Variants in ZMAT4 observed in about 807,000 individuals in gnomAD.
ZMAT4 encodes the protein zinc finger matrin-type 4.
In ZMAT4, 17 loss-of-function variants were observed where a neutral mutation model predicts 28.7. The ratio of observed to expected loss-of-function variants is 0.59; its 90% CI spans 0.41 to 0.89. ZMAT4 has a LOEUF of 0.89. Among genes scored for constraint, ZMAT4 ranks in the 40% least tolerant of loss-of-function variants. The pLI, the probability that ZMAT4 is intolerant of heterozygous loss-of-function variation, is 0.00. For missense variants in ZMAT4, 240 were observed against 283.8 expected, an observed-to-expected ratio of 0.85 and a Z score of 1.11; for synonymous variants, 117 against 109.2, an observed-to-expected ratio of 1.07 and a Z score of -0.44.
intron 5 of ZMAT4, among the ~76,000 whole-genome samples, chr8:40,638,019 C>G (rs1806860709): frequency 1.3e-5 from 2 of 152,052 alleles, no homozygotes; most frequent in South Asian, 2.1e-4. Flanking sequence ...GAATTCATAG[C>G]AAAAGAGAGT....
intron 2 of ZMAT4, among the ~76,000 whole-genome samples, chr8:40,795,272 T>C (rs1201130293): frequency 6.6e-6 from 1 of 152,002 alleles, no homozygotes; most frequent in Non-Finnish European, 1.5e-5. Flanking sequence ...GTTTGCACAC[T>C]CACGTGAAAC....
chr8:40,856,121 T>G (rs1586174717), intron 1 of ZMAT4, among the ~76,000 whole-genome samples: 2 of 152,250 alleles, frequency 1.3e-5, no homozygotes, highest in Middle Eastern at 6.8e-3. Context: ...GCAGAGGGGA[T>G]GTACAATGAA....
At chr8:40,585,416 C>G (rs190647462) in intron 5 of ZMAT4, among the ~76,000 whole-genome samples, 4 of 152,102 alleles carry the variant, frequency 2.6e-5, no homozygotes, top group African/African-American at 9.7e-5. Flanking sequence ...CCAGGCAAAA[C>G]TTCGGGAGAT....
intron 1 of ZMAT4, among the ~76,000 whole-genome samples, chr8:40,861,873 C>T (rs1178265182): frequency 6.6e-6 from 1 of 152,090 alleles, no homozygotes; most frequent in Non-Finnish European, 1.5e-5. Context: ...CAATGAGATA[C>T]CATCTCACAC....
At chr8:40,547,767 G>A (rs113411565) in intron 6 of ZMAT4, among the ~76,000 whole-genome samples, 11 of 152,176 alleles carry the variant, frequency 7.2e-5, no homozygotes, top group South Asian at 2.1e-4. Context: ...TTAATGTGCC[G>A]AAAATACAGC....
intron 5 of ZMAT4, among the ~76,000 whole-genome samples, chr8:40,656,120 C>T (rs533467025): frequency 6.6e-6 from 1 of 152,078 alleles, no homozygotes; most frequent in Non-Finnish European, 1.5e-5. Flanking sequence ...GCAAATAACT[C>T]AATTGAAGAC....
At chr8:40,791,617 A>G (rs984604038) in intron 2 of ZMAT4, among the ~76,000 whole-genome samples, 1 of 152,150 alleles carries the variant, frequency 6.6e-6, no homozygotes, top group African/African-American at 2.4e-5. Context: ...TCTGCAATAT[A>G]AGCTTGTTGA....
chr8:40,561,436 C>T (rs1039644781), intron 6 of ZMAT4, among the ~76,000 whole-genome samples: 3 of 152,120 alleles, frequency 2.0e-5, no homozygotes, highest in Non-Finnish European at 2.9e-5. Flanking sequence ...TCAGGGCTCA[C>T]AGCTTCCACA....
Position 40,687,151 on chromosome 8 carries a change from A to C in ZMAT4, c.349+10094T>G, listed in dbSNP as rs889929996. Among the ~76,000 whole-genome samples the C allele has an allele frequency of 2.0e-5, 3 of 152,244 alleles. No individual in the cohort carries two copies. The South Asian group carries it at 6.2e-4, about 31-fold the overall frequency. Reference sequence around the variant, plus strand: ...GAGGCAGAGAGATGATATGAGGAAGAAAAGTATATGATGCAGGATAAAGGA... The same window carrying C: ...GAGGCAGAGAGATGATATGAGGAAGCAAAGTATATGATGCAGGATAAAGGA... On this transcript the variant is annotated intron_variant, in intron 4 of 6. Coordinates refer to ENST00000297737, the MANE Select transcript of ZMAT4 (RefSeq NM_024645.3).
intron 5 of ZMAT4, among the ~76,000 whole-genome samples, chr8:40,589,962 TC>T (rs1804825292): frequency 7.6e-5 from 1 of 13,222 alleles, no homozygotes; most frequent in Non-Finnish European, 1.9e-4. Flanking sequence ...CTTCCCTCCT[TC>T]CCTCCCTCCC....
At chr8:40,776,961 G>A (rs376632923) in intron 2 of ZMAT4, among the ~76,000 whole-genome samples, 17 of 149,710 alleles carry the variant, frequency 1.1e-4, no homozygotes, top group African/African-American at 2.5e-4. Context: ...AGTTTATTGC[G>A]TATGTAACAA....
chr8:40,551,300 A>G (rs975678015), intron 6 of ZMAT4, among the ~76,000 whole-genome samples: 1 of 152,234 alleles, frequency 6.6e-6, no homozygotes, highest in Non-Finnish European at 1.5e-5. Flanking sequence ...CCAGAAAAAC[A>G]TAAGGGCAAA....
intron 3 of ZMAT4, among the ~76,000 whole-genome samples, chr8:40,707,222 A>ACC (rs71224847): frequency 7.3e-4 from 67 of 91,474 alleles, no homozygotes; most frequent in East Asian, 2.1e-3. Context: ...CTGCCCCCCC[A>ACC]CCCCCCCACC....
chr8:40,895,103 G>A (rs962572515), intron 1 of ZMAT4, among the ~76,000 whole-genome samples: 1 of 152,156 alleles, frequency 6.6e-6, no homozygotes, highest in Non-Finnish European at 1.5e-5. Flanking sequence ...GGTAACTCAC[G>A]CAGGGCTTGG....
intron 5 of ZMAT4, among the ~76,000 whole-genome samples, chr8:40,664,720 T>G (rs891672225): frequency 2.0e-5 from 3 of 152,260 alleles, no homozygotes; most frequent in African/African-American, 7.2e-5. Flanking sequence ...AAGTGTCATT[T>G]GTCGTTGTAA....
At chr8:40,681,675 G>A (rs565988385) in intron 4 of ZMAT4, among the ~76,000 whole-genome samples, 3 of 152,162 alleles carry the variant, frequency 2.0e-5, no homozygotes, top group East Asian at 3.9e-4. Flanking sequence ...ATGAACATGT[G>A]ATAAATACAT....
chr8:40,887,665 C>CTGCAAAT (rs1214211286), intron 1 of ZMAT4, among the ~76,000 whole-genome samples: 2 of 152,092 alleles, frequency 1.3e-5, no homozygotes, highest in Non-Finnish European at 2.9e-5. Context: ...CCTGCAACCC[C>CTGCAAAT]GCAGAGCAAT....
chr8:40,862,273 A>G (rs894885328), intron 1 of ZMAT4, among the ~76,000 whole-genome samples: 14 of 151,716 alleles, frequency 9.2e-5, no homozygotes, highest in African/African-American at 3.2e-4. Flanking sequence ...CTTTGTAGGG[A>G]CATGGATGAA....
At chr8:40,541,868 C>T (rs1185194025) in intron 6 of ZMAT4, among the ~76,000 whole-genome samples, 1 of 152,186 alleles carries the variant, frequency 6.6e-6, no homozygotes, top group Admixed American at 6.5e-5. Flanking sequence ...CTCATGAGCA[C>T]GTCTCCTGGG....
Sources: gnomAD v4.1 joint callset for allele counts (sites outside exome capture counted in the v4.1 genomes callset) on GRCh38, gnomAD v4.1.1 for gene constraint, MANE v1.5 for transcripts, NCBI Gene and HGNC (gene_info 2026-07-23, HGNC 2026-07-21) for gene names.